FBXO8: variants seen among roughly 807,000 people sequenced by gnomAD.
FBXO8 encodes F-box only protein 8.
Under a neutral mutation model 33.4 loss-of-function variants are expected in FBXO8, and 15 were observed. The ratio of observed to expected loss-of-function variants is 0.45; its 90% CI spans 0.30 to 0.69. The LOEUF is 0.69. Ranked by LOEUF, FBXO8 falls within the 30% of genes least tolerant of loss-of-function variation. The pLI is 0.08. For missense variants in FBXO8, 274 were observed against 380.3 expected (o/e 0.72, Z 2.32); for synonymous variants, 132 against 131.5 (o/e 1.00, Z -0.02).
chr4:174,278,248 G>A lies in FBXO8; in HGVS notation c.-9+5162C>T, dbSNP rs1281775032. Reference sequence around the variant, plus strand: ...ACAAGGTACATTGAACACATAAAAAGCCCCTACTCATTAAATTTAAAGATC... The same window carrying A: ...ACAAGGTACATTGAACACATAAAAAACCCCTACTCATTAAATTTAAAGATC... On this transcript the variant is annotated intron_variant, in intron 1 of 5. Coordinates refer to ENST00000393674, the MANE Select transcript of FBXO8 (RefSeq NM_012180.3). This position sits in a 1 kb window ranked among gnomAD's most constrained non-coding sequence, Gnocchi z 4.1. Among the ~76,000 whole-genome samples, 1 of 151,984 alleles carries A rather than the reference G, an allele frequency of 6.6e-6. No homozygotes were observed. Among genetic ancestry groups the A allele is most frequent in the African/African-American group, 2.4e-5 (1 of 41,402 alleles).
rs1262800016 is a variant in FBXO8, at chr4:174,251,854, G to C, written c.456+7845C>G. 1.3e-5 allele frequency among the ~76,000 whole-genome samples: 2 copies of C among 152,122 alleles called. No individual in the cohort carries two copies. Among genetic ancestry groups the C allele is most frequent in the African/African-American group, 4.8e-5 (2 of 41,436 alleles). On this transcript the variant is annotated intron_variant, in intron 3 of 5. Transcript: ENST00000393674. The surrounding 1 kb of genome is among the most constrained non-coding windows in gnomAD (Gnocchi z 4.2). Reference sequence around the variant, plus strand: ...ATGGGTAAACAGTTCTTACAGAGGGGGGAGCTACTTAAGCCATATTTGGTG... The same window carrying C: ...ATGGGTAAACAGTTCTTACAGAGGGCGGAGCTACTTAAGCCATATTTGGTG...
intron 3 of FBXO8, among the ~76,000 whole-genome samples, chr4:174,258,517 G>A (rs1736467570): frequency 1.3e-5 from 2 of 152,034 alleles, no homozygotes; most frequent in African/African-American, 2.4e-5. Flanking sequence ...TTTAAATAGT[G>A]ATGAAAGAAA....
chr4:174,244,260 G>T (rs1176468564), intron 3 of FBXO8, among the ~76,000 whole-genome samples: 1 of 151,446 alleles, frequency 6.6e-6, no homozygotes, highest in Non-Finnish European at 1.5e-5. Context: ...AGGACTGCAG[G>T]TTACAAATCC....
At position 174,278,328 on chromosome 4, in the gene FBXO8, G is replaced by GT. The variant is rs544947570; in HGVS notation, c.-9+5081dup. Among the ~76,000 whole-genome samples, 1 of 151,604 alleles carries GT rather than the reference G, an allele frequency of 6.6e-6. No individual in the cohort carries two copies. Among genetic ancestry groups the GT allele is most frequent in the African/African-American group, 2.4e-5 (1 of 41,288 alleles). On this transcript the variant is annotated intron_variant, in intron 1 of 5. Transcript: ENST00000393674. The surrounding 1 kb of genome is among the most constrained non-coding windows in gnomAD (Gnocchi z 4.1). The stretch of plus-strand genomic sequence containing the variant: ...AAAGGCATACCATTTGCAGGTTTTG[G>GT]TTTTTTTTAATTCAAAAAGATTTAC...
Position 174,254,211 on chromosome 4 carries a change from C to A in FBXO8, c.456+5488G>T, listed in dbSNP as rs1437985611. On this transcript the variant is annotated intron_variant, in intron 3 of 5. Coordinates refer to ENST00000393674, the MANE Select transcript of FBXO8 (RefSeq NM_012180.3). This position sits in a 1 kb window ranked among gnomAD's most constrained non-coding sequence, Gnocchi z 4.2. ...AGCTAGATCTTAGTTTATATCACAG[C>A]CAAGAATTAGAATTTCGAGTTTATC... is the stretch of plus-strand genomic sequence containing the variant. 6.6e-6 allele frequency among the ~76,000 whole-genome samples: 1 copy of A among 152,118 alleles called. No homozygotes were observed.
In FBXO8 at chr4:174,252,268, C is replaced by T. The variant is rs1480302011; in HGVS notation, c.456+7431G>A. ...ACAGGTGTGAGCCACTGACTGTACC[C>T]AGTTAGCAATGTTTATTTTTAAAAA... On this transcript the variant is annotated intron_variant, in intron 3 of 5. Coordinates refer to ENST00000393674, the MANE Select transcript of FBXO8 (RefSeq NM_012180.3). The surrounding 1 kb of genome is among the most constrained non-coding windows in gnomAD (Gnocchi z 5.1). Among the ~76,000 whole-genome samples, 1 of 152,074 alleles carries T rather than the reference C, an allele frequency of 6.6e-6. No homozygotes were observed. Among genetic ancestry groups the T allele is most frequent in the African/African-American group, 2.4e-5 (1 of 41,392 alleles).
Position 174,259,141 on chromosome 4 carries a change from A to C in FBXO8, c.456+558T>G, listed in dbSNP as rs1020769031. On this transcript the variant is annotated intron_variant, in intron 3 of 5. Transcript: ENST00000393674. The surrounding 1 kb of genome is among the most constrained non-coding windows in gnomAD (Gnocchi z 4.3). ...GTTTTCACATTTTGATCATGCTTAC[A>C]TGTTATGTTAAGAAAGAATTAAATA... Among the ~76,000 whole-genome samples the C allele has an allele frequency of 2.0e-5, 3 of 151,914 alleles. No individual in the cohort carries two copies. Among genetic ancestry groups the C allele is most frequent in the Non-Finnish European group, 4.4e-5 (3 of 67,908 alleles).
rs146808529 is a variant in FBXO8 at position 174,250,536 on chromosome 4, T to G, written c.456+9163A>C. Among the ~76,000 whole-genome samples the G allele has an allele frequency of 3.5e-4, 54 of 152,154 alleles. 2 individuals carry two copies. The East Asian group carries it at 9.8e-3, about 28-fold the overall frequency. On this transcript the variant is annotated intron_variant, in intron 3 of 5. Coordinates refer to ENST00000393674, the MANE Select transcript of FBXO8 (RefSeq NM_012180.3). ...TTAACTGCTAACAACCAAAAGAGAT[T>G]TACAGAAATCTTAGGAATTTTGTTA...
chr4:174,259,688 T>C lies in FBXO8; in HGVS notation c.456+11A>G. On this transcript the variant is annotated intron_variant, in intron 3 of 5. Coordinates refer to ENST00000393674, the MANE Select transcript of FBXO8 (RefSeq NM_012180.3). This position sits in a 1 kb window ranked among gnomAD's most constrained non-coding sequence, Gnocchi z 4.3. ...GGTCACTGGATACAAATATTCAAGT[T>C]CTTCACTAACCTCATCTGGGTTGGC... is the stretch of plus-strand genomic sequence containing the variant. 1 of 1,606,424 alleles carries C rather than the reference T, an allele frequency of 6.2e-7. No homozygotes were observed.
At chr4:174,282,412 A>G (rs1248385941) in intron 1 of FBXO8, among the ~76,000 whole-genome samples, 1 of 152,176 alleles carries the variant, frequency 6.6e-6, no homozygotes, top group Non-Finnish European at 1.5e-5. Flanking sequence ...GTAATTTGTT[A>G]CCCAGCAATA....
In FBXO8 at chr4:174,270,289, A is replaced by C. The variant is rs1236364539; in HGVS notation, c.-8-7189T>G. On this transcript the variant is annotated intron_variant, in intron 1 of 5. Coordinates refer to ENST00000393674, the MANE Select transcript of FBXO8 (RefSeq NM_012180.3). This position sits in a 1 kb window ranked among gnomAD's most constrained non-coding sequence, Gnocchi z 4.6. ...CTAAAGTCCTATGCTGCTGTGGCAC[A>C]GTAGCTGGGAAGACGTAAATGGAAA... Among the ~76,000 whole-genome samples the C allele has an allele frequency of 2.6e-5, 4 of 152,228 alleles. No individual in the cohort carries two copies. The highest frequency in any genetic ancestry group is 7.2e-5 in the African/African-American group (3 of 41,470).
chr4:174,264,356 A>C (rs143541125), intron 1 of FBXO8, among the ~76,000 whole-genome samples: 7 of 152,298 alleles, frequency 4.6e-5, no homozygotes, highest in Non-Finnish European at 8.8e-5. Flanking sequence ...ATTGTTGTTG[A>C]TTAAAACAGA....
rs966281806 is a variant in FBXO8 at position 174,261,361 on chromosome 4, G to T, written c.329+1403C>A. On this transcript the variant is annotated intron_variant, in intron 2 of 5. Coordinates refer to ENST00000393674, the MANE Select transcript of FBXO8 (RefSeq NM_012180.3). The surrounding 1 kb of genome is among the most constrained non-coding windows in gnomAD (Gnocchi z 4.1). ...TATTATAAAAATAGGCATAATTATGGCAAATATTTCTTTCACAAATGAAAA... is the reference window on the plus strand; with the variant it reads ...TATTATAAAAATAGGCATAATTATGTCAAATATTTCTTTCACAAATGAAAA... Among the ~76,000 whole-genome samples, 1 of 151,652 alleles carries T rather than the reference G, an allele frequency of 6.6e-6. No homozygotes were observed.
rs1015823176 is a variant in FBXO8, at chr4:174,256,906, G to T, written c.456+2793C>A. On this transcript the variant is annotated intron_variant, in intron 3 of 5. Transcript: ENST00000393674. The surrounding 1 kb of genome is among the most constrained non-coding windows in gnomAD (Gnocchi z 4.6). ...ATGTTCCAGAGTATCTTTAAATCAG[G>T]CCAGGGAGTAAAAAAAAAAGAAAAT... Among the ~76,000 whole-genome samples, 4 of 151,348 alleles carry T rather than the reference G, an allele frequency of 2.6e-5. No homozygotes were observed.
rs1305035987 is a variant in FBXO8, at chr4:174,278,497, ATT to A, written c.-9+4911_-9+4912del. 6.6e-6 allele frequency among the ~76,000 whole-genome samples: 1 copy of A among 152,090 alleles called. No homozygotes were observed. On this transcript the variant is annotated intron_variant, in intron 1 of 5. Coordinates refer to ENST00000393674, the MANE Select transcript of FBXO8 (RefSeq NM_012180.3). This position sits in a 1 kb window ranked among gnomAD's most constrained non-coding sequence, Gnocchi z 4.1. ...AATCTAAGAATTTTAGGCTTATTCAATTTCTGTGGTTTGTTTTTCAAGAAATG... is the reference window on the plus strand; with the variant it reads ...AATCTAAGAATTTTAGGCTTATTCAATCTGTGGTTTGTTTTTCAAGAAATG...
At position 174,241,357 on chromosome 4, in the gene FBXO8, A is replaced by G. The variant is rs993707497; in HGVS notation, c.457-139T>C. 1 of 506,806 alleles carries G rather than the reference A, an allele frequency of 2.0e-6. No homozygotes were observed. Among genetic ancestry groups the G allele is most frequent in the African/African-American group, 2.0e-5 (1 of 50,436 alleles). 31.4% of individuals were successfully genotyped at this position (506,806 alleles called of 1,614,324 possible). On this transcript the variant is annotated intron_variant, in intron 3 of 5. Coordinates refer to ENST00000393674, the MANE Select transcript of FBXO8 (RefSeq NM_012180.3). This position sits in a 1 kb window ranked among gnomAD's most constrained non-coding sequence, Gnocchi z 4.2. ...TTGTAGCTTTATCATGCAAAATACAAGCTAGAACTTGAACTGAAACTATTG... is the reference window on the plus strand; with the variant it reads ...TTGTAGCTTTATCATGCAAAATACAGGCTAGAACTTGAACTGAAACTATTG...
intron 1 of FBXO8, among the ~76,000 whole-genome samples, chr4:174,276,639 C>A (rs1398427129): frequency 6.6e-6 from 1 of 152,082 alleles, no homozygotes; most frequent in Non-Finnish European, 1.5e-5. Context: ...AGTGCAGTGG[C>A]GTGTAGATCT....
rs181045069 is a variant in FBXO8 at position 174,272,290 on chromosome 4, G to A, written c.-8-9190C>T. Among the ~76,000 whole-genome samples, 1 of 152,088 alleles carries A rather than the reference G, an allele frequency of 6.6e-6. No individual in the cohort carries two copies. The highest frequency in any genetic ancestry group is 1.5e-5 in the Non-Finnish European group (1 of 68,014). The stretch of plus-strand genomic sequence containing the variant: ...AAATCCATGAATGCTCAAGTCCCTT[G>A]TATAAAATGGCATAGTATACATCCT... On this transcript the variant is annotated intron_variant, in intron 1 of 5. Coordinates refer to ENST00000393674, the MANE Select transcript of FBXO8 (RefSeq NM_012180.3). This position sits in a 1 kb window ranked among gnomAD's most constrained non-coding sequence, Gnocchi z 4.7.
At position 174,272,408 on chromosome 4, in the gene FBXO8, G is replaced by A. The variant is rs888321903; in HGVS notation, c.-8-9308C>T. Among the ~76,000 whole-genome samples, 1 of 152,136 alleles carries A rather than the reference G, an allele frequency of 6.6e-6. No individual in the cohort carries two copies. The highest frequency in any genetic ancestry group is 2.4e-5 in the African/African-American group (1 of 41,440). ...GTTGTTATACTGTATTCTAAAATTT[G>A]TATTATTATTTATTGTTGTACTGTT... On this transcript the variant is annotated intron_variant, in intron 1 of 5. Coordinates refer to ENST00000393674, the MANE Select transcript of FBXO8 (RefSeq NM_012180.3). The surrounding 1 kb of genome is among the most constrained non-coding windows in gnomAD (Gnocchi z 4.7).
Sources: gnomAD v4.1 joint callset for allele counts (sites outside exome capture counted in the v4.1 genomes callset) on GRCh38, gnomAD v4.1.1 for gene constraint, Gnocchi (gnomAD v3.1) non-coding constraint, MANE v1.5 for transcripts, NCBI Gene and HGNC (gene_info 2026-07-23, HGNC 2026-07-21) for gene names.